Variants in FAM110B observed in about 807,000 individuals in gnomAD.
The protein encoded by FAM110B is protein FAM110B.
Under a neutral mutation model 20.4 loss-of-function variants are expected in FAM110B, and 6 were observed. That is an observed-to-expected ratio of 0.29 (90% CI 0.16 to 0.58). The LOEUF (loss-of-function observed/expected upper bound fraction) is 0.58, where lower values mean the gene tolerates loss of function less well. Ranked by LOEUF, FAM110B falls within the 20% of genes least tolerant of loss-of-function variation. The pLI, the probability that FAM110B is intolerant of heterozygous loss-of-function variation, is 0.90. For synonymous variants in FAM110B, 226 were observed against 214.1 expected (o/e 1.06, Z -0.49); for missense variants, 434 against 498.2 (o/e 0.87, Z 1.23).
intron 3 of FAM110B, among the ~76,000 whole-genome samples, chr8:58,108,722 G>C (rs1186892407): frequency 1.3e-5 from 2 of 152,212 alleles, no homozygotes; most frequent in Non-Finnish European, 2.9e-5. Context: ...ATATTCATGG[G>C]TTATGACTGG....
At chr8:58,050,520 G>A (rs1007562670) in intron 2 of FAM110B, among the ~76,000 whole-genome samples, 11 of 152,180 alleles carry the variant, frequency 7.2e-5, no homozygotes, top group Admixed American at 6.5e-5. Flanking sequence ...GCAGGGCTGA[G>A]GTCCGTGTTT....
At chr8:58,027,765 A>G (rs1169545050) in intron 1 of FAM110B, among the ~76,000 whole-genome samples, 1 of 152,194 alleles carries the variant, frequency 6.6e-6, no homozygotes, top group Non-Finnish European at 1.5e-5. Flanking sequence ...GTTGTTGTAT[A>G]TATCAGTAAT....
chr8:58,105,654 C>T (rs1224187587), intron 3 of FAM110B, among the ~76,000 whole-genome samples: 2 of 147,860 alleles, frequency 1.4e-5, no homozygotes, highest in Non-Finnish European at 3.0e-5. Context: ...TTGCAAGCTC[C>T]GCCTCCCAGG....
At chr8:58,065,381 A>G (rs1805740044) in intron 2 of FAM110B, among the ~76,000 whole-genome samples, 1 of 152,212 alleles carries the variant, frequency 6.6e-6, no homozygotes. Flanking sequence ...TCCATGTAGA[A>G]AGAATCCCAG....
At chr8:58,071,425 C>T (rs1805894140) in intron 2 of FAM110B, among the ~76,000 whole-genome samples, 1 of 152,228 alleles carries the variant, frequency 6.6e-6, no homozygotes, top group African/African-American at 2.4e-5. Flanking sequence ...CACGCGTCTG[C>T]TGTCACCAGA....
At chr8:58,052,975 C>CG (rs1384936825) in intron 2 of FAM110B, among the ~76,000 whole-genome samples, 3 of 149,152 alleles carry the variant, frequency 2.0e-5, no homozygotes, top group Non-Finnish European at 4.5e-5. Context: ...TTAGTAGAGA[C>CG]GGGGTTTCAC....
Position 58,146,147 on chromosome 8 carries a change from G to A in FAM110B, c.-84G>A, listed in dbSNP as rs1457200828. 10 of 1,475,826 alleles carry A rather than the reference G, an allele frequency of 6.8e-6. No homozygotes were observed. The highest frequency in any genetic ancestry group is 2.3e-5 in the East Asian group (1 of 42,856). 91.4% of individuals were successfully genotyped at this position (1,475,826 alleles called of 1,614,324 possible). A position where few individuals can be genotyped will look rare whatever the true frequency, so the allele number is the denominator to read the frequency against. The stretch of plus-strand genomic sequence containing the variant: ...CCAGGCTGCACCCGCCGCCCTTGGC[G>A]CTTCATGTACATGTGTCTATTCAGG... On this transcript the variant is annotated 5_prime_UTR_variant, in exon 4 of 4. Coordinates refer to ENST00000519262, the MANE Select transcript of FAM110B (RefSeq NM_001377989.1).
At chr8:58,033,556 G>A (rs547186538) in intron 2 of FAM110B, among the ~76,000 whole-genome samples, 1 of 152,020 alleles carries the variant, frequency 6.6e-6, no homozygotes, top group Non-Finnish European at 1.5e-5. Flanking sequence ...GAGCATAAAT[G>A]ATTTCAACAA....
intron 2 of FAM110B, among the ~76,000 whole-genome samples, chr8:58,061,029 C>T (rs1005390556): frequency 6.6e-6 from 1 of 152,134 alleles, no homozygotes; most frequent in Non-Finnish European, 1.5e-5. Context: ...ACCCCCTCCC[C>T]CAACATACAC....
chr8:58,146,454 T>A lies in FAM110B; in HGVS notation c.224T>A (p.Val75Glu). The change falls in exon 4 of 4, where the codon GTG becomes GAG. Residue 75 changes from valine (V) to glutamate (E), a missense_variant. By Grantham distance (121) the Val-to-Glu change is moderately radical. Around this residue, in one of 3 missense-constraint regions of FAM110B, gnomAD observed 284 missense variants for 278.3 expected, o/e 1.02. Transcript: ENST00000519262. ...GTGATCAACGCCAAGCAGGAGCCCG[T>A]GAAGCCCGCCGTGCTGGCCAAGCCC... is the stretch of plus-strand genomic sequence containing the variant. ...QEVINAKQEP[V>E]KPAVLAKPPV... The A allele has an allele frequency of 1.2e-6, 2 of 1,613,330 alleles. No homozygotes were observed. The highest frequency in any genetic ancestry group is 1.7e-6 in the Non-Finnish European group (2 of 1,179,602).
chr8:58,025,838 C>T (rs987682571), intron 1 of FAM110B, among the ~76,000 whole-genome samples: 5 of 152,200 alleles, frequency 3.3e-5, no homozygotes, highest in African/African-American at 1.2e-4. Flanking sequence ...TCTCTTCCTC[C>T]ACATGACAGG....
intron 3 of FAM110B, among the ~76,000 whole-genome samples, chr8:58,144,056 G>A (rs753199899): frequency 9.9e-5 from 15 of 152,158 alleles, no homozygotes; most frequent in Non-Finnish European, 2.1e-4. Flanking sequence ...CAACTAACTC[G>A]TGCCCCAGGA....
chr8:58,126,348 T>C (rs928033160), intron 3 of FAM110B, among the ~76,000 whole-genome samples: 3 of 152,252 alleles, frequency 2.0e-5, no homozygotes, highest in African/African-American at 7.2e-5. Flanking sequence ...CAAGTAAAGC[T>C]GCTCTGAACA....
chr8:58,011,429 C>T (rs570749622), intron 1 of FAM110B, among the ~76,000 whole-genome samples: 36 of 152,248 alleles, frequency 2.4e-4, no homozygotes, highest in Admixed American at 1.8e-3. Flanking sequence ...TTAGAGACTG[C>T]GCAGGAACTC....
intron 3 of FAM110B, among the ~76,000 whole-genome samples, chr8:58,143,679 C>T (rs745702776): frequency 6.6e-6 from 1 of 152,210 alleles, no homozygotes; most frequent in African/African-American, 2.4e-5. Flanking sequence ...TCTTGTGAAT[C>T]GACAGTCAGG....
chr8:58,102,514 G>A (rs77748163), intron 3 of FAM110B, among the ~76,000 whole-genome samples: 218 of 152,326 alleles, frequency 1.4e-3, no homozygotes, highest in African/African-American at 5.1e-3. Flanking sequence ...GCGTAGATCA[G>A]ATGGTATGAT....
At chr8:58,114,585 C>T (rs1177302788) in intron 3 of FAM110B, among the ~76,000 whole-genome samples, 1 of 152,150 alleles carries the variant, frequency 6.6e-6, no homozygotes, top group African/African-American at 2.4e-5. Context: ...AGGCGAGTTC[C>T]CTTCTTAATT....
chr8:58,032,945 G>A (rs1367966754), intron 2 of FAM110B, among the ~76,000 whole-genome samples: 4 of 152,126 alleles, frequency 2.6e-5, no homozygotes, highest in Non-Finnish European at 2.9e-5. Context: ...GGAGGTGCAC[G>A]TACAGGTTTG....
intron 1 of FAM110B, among the ~76,000 whole-genome samples, chr8:58,028,644 G>T (rs918032100): frequency 7.2e-5 from 11 of 152,242 alleles, no homozygotes; most frequent in African/African-American, 2.6e-4. Flanking sequence ...TTTATAAAAA[G>T]AAATATAAGG....
Sources: gnomAD v4.1 joint callset for allele counts (sites outside exome capture counted in the v4.1 genomes callset) on GRCh38, gnomAD v4.1.1 for gene constraint, gnomAD v4.1.1 regional missense constraint, MANE v1.5 for transcripts, NCBI Gene and HGNC (gene_info 2026-07-23, HGNC 2026-07-21) for gene names.